The following NDUFA10 variants were observed in gnomAD, a reference collection of about 807,000 sequenced individuals.
The protein encoded by NDUFA10 is NADH:ubiquinone oxidoreductase subunit A10.
In NDUFA10, 40 loss-of-function variants were observed where a neutral mutation model predicts 47.8. The observed-to-expected ratio is 0.84, with a 90% CI of 0.65 to 1.09. The LOEUF (loss-of-function observed/expected upper bound fraction) is 1.09, where lower values mean the gene tolerates loss of function less well. NDUFA10 is among the 50% of genes least tolerant of loss of function. The pLI is 0.00. For synonymous variants in NDUFA10, 183 were observed against 172.2 expected (o/e 1.06, Z -0.49); for missense variants, 413 against 451.1 (o/e 0.92, Z 0.76).
chr2:240,007,445 C>T (rs888318312), intron 6 of NDUFA10, 75 bp from the exon 7 acceptor site: 6 of 1,018,378 alleles, frequency 5.9e-6, no homozygotes, highest in Middle Eastern at 2.0e-4. Context: ...GAATACATAC[C>T]GCTAAAGTCT....
At chr2:239,899,855 C>T (rs191874557) in intron 4 of NDUFA10, among the ~76,000 whole-genome samples, 4 of 152,068 alleles carry the variant, frequency 2.6e-5, no homozygotes, top group East Asian at 3.9e-4. Flanking sequence ...AGAAAGCCCA[C>T]CCATCATCCA....
chr2:239,953,876 G>A (rs543150933), downstream of NDUFA10, among the ~76,000 whole-genome samples: 769 of 152,350 alleles, frequency 5.0e-3, no homozygotes, highest in Non-Finnish European at 7.9e-3. Flanking sequence ...GTCTCTCCAG[G>A]AAGAGCGAGG....
intron 9 of NDUFA10, 120 bp from the exon 10 acceptor site, chr2:239,961,306 T>C: frequency 6.4e-7 from 1 of 1,557,888 alleles, no homozygotes; most frequent in Admixed American, 1.9e-5. Flanking sequence ...GCAATGCTGG[T>C]GAGCACATGA....
intron 4 of NDUFA10, among the ~76,000 whole-genome samples, chr2:239,929,379 T>C (rs776538923): frequency 3.9e-4 from 59 of 152,160 alleles, no homozygotes; most frequent in Non-Finnish European, 5.6e-4. Context: ...ATTTCTCTTG[T>C]GGTCTCAGGT....
intron 4 of NDUFA10, among the ~76,000 whole-genome samples, chr2:239,915,593 TACAC>T (rs1342363838): frequency 3.2e-5 from 4 of 126,156 alleles, no homozygotes; most frequent in Admixed American, 7.8e-5. Flanking sequence ...CACACAGAGA[TACAC>T]ATACACACAC....
intron 9 of NDUFA10, among the ~76,000 whole-genome samples, chr2:239,984,125 T>C (rs1170230526): frequency 6.6e-6 from 1 of 151,588 alleles, no homozygotes; most frequent in Non-Finnish European, 1.5e-5. Flanking sequence ...ACCAGCTACT[T>C]AGGAGGCTGA....
chr2:239,914,171 ACAG>A (rs1693800187), intron 4 of NDUFA10, among the ~76,000 whole-genome samples: 2 of 152,102 alleles, frequency 1.3e-5, no homozygotes, highest in South Asian at 4.2e-4. Flanking sequence ...ACACACACAC[ACAG>A]AACACACACA....
chr2:240,024,201 G>A (rs1379135335), intron 1 of NDUFA10, among the ~76,000 whole-genome samples: 1 of 152,190 alleles, frequency 6.6e-6, no homozygotes. Context: ...ATTCATAATT[G>A]CCAAAAACTT....
rs1170624211 is a variant in NDUFA10, at chr2:239,959,726, CGGAA to C, written c.*1388_*1391del. The C allele has an allele frequency of 2.1e-5, 14 of 674,652 alleles. No individual in the cohort carries two copies. The highest frequency in any genetic ancestry group is 1.2e-4 in the Admixed American group (1 of 8,402). The allele number at this position is 674,652 out of a possible 1,614,324, so 41.8% of individuals were successfully genotyped here. A position where few individuals can be genotyped will look rare whatever the true frequency, so the allele number is the denominator to read the frequency against. On this transcript the variant is annotated 3_prime_UTR_variant, in exon 10 of 10. Coordinates refer to ENST00000252711, the MANE Select transcript of NDUFA10 (RefSeq NM_004544.4). ...AGGCAGGGAGGAAAACAAGGACAGA[CGGAA>C]GGAAGGAAGAGAAGGAGGGAAGGAA...
rs1450676241 is a variant in NDUFA10 at position 240,011,661 on chromosome 2, C to CT, written c.704dup (p.Asp236GlyfsTer3). On this transcript the variant is annotated frameshift_variant, in exon 6 of 10. Transcript: ENST00000252711. LOFTEE classifies it high-confidence loss of function. ...TTTTCTTATAGGCATTCTCAATGTCCTGTAGATAGGCAGAGGTGATCTTCA... is the reference window on the plus strand; with the variant it reads ...TTTTCTTATAGGCATTCTCAATGTCCTTGTAGATAGGCAGAGGTGATCTTCA... 13 of 1,613,610 alleles carry CT rather than the reference C, an allele frequency of 8.1e-6. No homozygotes were observed. Among genetic ancestry groups the CT allele is most frequent in the Non-Finnish European group, 1.0e-5 (12 of 1,179,638 alleles).
rs142452963 is a variant in NDUFA10, at chr2:239,900,315, C to CATAT, written c.295-5005_295-5002dup. The stretch of plus-strand genomic sequence containing the variant: ...CAATACTCCTTAATGAACTCCCCTT[C>CATAT]ATATATATATATATATATATATATA... On this transcript the variant is annotated intron_variant, in intron 4 of 5. Transcript: ENST00000419408. Among the ~76,000 whole-genome samples, 476 of 142,296 alleles carry CATAT rather than the reference C, an allele frequency of 3.3e-3. 1 individual carries two copies. Among genetic ancestry groups the CATAT allele is most frequent in the African/African-American group, 4.4e-3 (166 of 37,792 alleles). The allele number at this position is 142,296 out of a possible 152,430, so 93.4% of individuals were successfully genotyped here.
intron 4 of NDUFA10, among the ~76,000 whole-genome samples, chr2:239,929,594 G>T (rs373549320): frequency 1.3e-5 from 2 of 151,228 alleles, no homozygotes; most frequent in Non-Finnish European, 3.0e-5. Flanking sequence ...CTGCTCCTCC[G>T]CCGGCCCTGC....
chr2:239,920,187 T>C (rs530546851), intron 4 of NDUFA10, among the ~76,000 whole-genome samples: 2 of 152,298 alleles, frequency 1.3e-5, no homozygotes, highest in South Asian at 2.1e-4. Context: ...TTCCTCTCTC[T>C]CCAACCCCGT....
intron 9 of NDUFA10, among the ~76,000 whole-genome samples, chr2:239,962,210 TACACACACACAC>T (rs59356951): frequency 1.4e-3 from 205 of 149,654 alleles, no homozygotes; most frequent in African/African-American, 4.7e-3. Context: ...TCAATTTGTG[TACACACACACAC>T]ACACACACAC....
downstream of NDUFA10, among the ~76,000 whole-genome samples, chr2:239,954,633 C>T (rs1464454512): frequency 1.3e-5 from 2 of 152,234 alleles, no homozygotes; most frequent in Non-Finnish European, 2.9e-5. Context: ...TGGATGAACA[C>T]ACACAATTTT....
intron 4 of NDUFA10, among the ~76,000 whole-genome samples, chr2:239,920,339 C>A (rs1559282304): frequency 6.6e-6 from 1 of 152,182 alleles, no homozygotes. Context: ...TGTACAGCAG[C>A]CCAGACTGAC....
intron 9 of NDUFA10, among the ~76,000 whole-genome samples, chr2:239,962,115 G>A (rs1028737584): frequency 5.3e-5 from 8 of 152,148 alleles, no homozygotes; most frequent in African/African-American, 1.2e-4. Context: ...AGGAGAAAGC[G>A]CTCAGCACGG....
intron 8 of NDUFA10, among the ~76,000 whole-genome samples, chr2:240,000,322 G>A (rs1696653077): frequency 6.6e-6 from 1 of 152,192 alleles, no homozygotes; most frequent in African/African-American, 2.4e-5. Flanking sequence ...AGGTGTGGAG[G>A]TGGAAGACAG....
chr2:239,984,191 C>A (rs752097205), intron 9 of NDUFA10, among the ~76,000 whole-genome samples: 3 of 151,836 alleles, frequency 2.0e-5, no homozygotes, highest in Non-Finnish European at 2.9e-5. Flanking sequence ...CAAGATCATG[C>A]CATTGCACTC....
Sources: allele counts gnomAD v4.1 joint callset (sites outside exome capture counted in the v4.1 genomes callset), GRCh38; gene constraint gnomAD v4.1.1; transcripts MANE v1.5; gene names NCBI Gene and HGNC (gene_info 2026-07-23, HGNC 2026-07-21).